Variants in ABCG2 observed in about 807,000 individuals in gnomAD.
The protein encoded by ABCG2 is broad substrate specificity ATP-binding cassette transporter ABCG2.
In ABCG2, 80 loss-of-function variants were observed where a neutral mutation model predicts 73.5. The ratio of observed to expected loss-of-function variants is 1.09; its 90% CI spans 0.91 to 1.31. The LOEUF (loss-of-function observed/expected upper bound fraction) is 1.31, where lower values mean the gene tolerates loss of function less well. Ranked by LOEUF, ABCG2 falls within the 50% of genes most tolerant of loss-of-function variation. ABCG2 has a pLI of 0.00. For missense variants in ABCG2, 796 were observed against 786.2 expected (o/e 1.01, Z -0.15); for synonymous variants, 269 against 282.4 (o/e 0.95, Z 0.48).
At chr4:88,226,021 C>T (rs1458375536) in intron 1 of ABCG2, among the ~76,000 whole-genome samples, 1 of 152,068 alleles carries the variant, frequency 6.6e-6, no homozygotes, top group Non-Finnish European at 1.5e-5. Context: ...CGGGTCCCTC[C>T]CACAACACAT....
chr4:88,221,188 G>A (rs1729999230), intron 1 of ABCG2, among the ~76,000 whole-genome samples: 2 of 152,182 alleles, frequency 1.3e-5, no homozygotes, highest in Admixed American at 6.5e-5. Context: ...AGAATCGCTT[G>A]AACCTGGGAG....
intron 1 of ABCG2, among the ~76,000 whole-genome samples, chr4:88,184,764 C>T (rs1580353): frequency 0.28 from 42,935 of 151,986 alleles, 6,657 homozygotes; most frequent in Middle Eastern, 0.42. Flanking sequence ...ACAAAAAGAA[C>T]AAAACTAGAA....
At chr4:88,215,242 C>A (rs915726473) in intron 1 of ABCG2, among the ~76,000 whole-genome samples, 2 of 152,058 alleles carry the variant, frequency 1.3e-5, no homozygotes, top group African/African-American at 4.8e-5. Flanking sequence ...GTGTACTCCC[C>A]CAGGATTTAG....
At chr4:88,120,506 C>G (rs1723895046) in intron 6 of ABCG2, among the ~76,000 whole-genome samples, 2 of 152,172 alleles carry the variant, frequency 1.3e-5, no homozygotes, top group South Asian at 4.2e-4. Context: ...GCCCTGGGAG[C>G]CCACCTCTTG....
At chr4:88,159,418 G>T, upstream of ABCG2, 1 of 345,576 alleles carries the variant, frequency 2.9e-6, no homozygotes. Context: ...GAAGGAAAGG[G>T]GAGAAACTTA....
At chr4:88,135,045 T>C (rs1391119414) in intron 2 of ABCG2, among the ~76,000 whole-genome samples, 6 of 152,162 alleles carry the variant, frequency 3.9e-5, no homozygotes, top group African/African-American at 1.2e-4. Context: ...GCTGCTTTCA[T>C]GCTACACCAC....
chr4:88,225,172 G>T (rs1161729112), intron 1 of ABCG2, among the ~76,000 whole-genome samples: 1 of 152,010 alleles, frequency 6.6e-6, no homozygotes, highest in Non-Finnish European at 1.5e-5. Flanking sequence ...TTTTGTAAAG[G>T]GCCAGATAGT....
intron 9 of ABCG2, among the ~76,000 whole-genome samples, chr4:88,108,619 C>T (rs1722917161): frequency 6.6e-6 from 1 of 151,994 alleles, no homozygotes; most frequent in Non-Finnish European, 1.5e-5. Flanking sequence ...TTGGAATCTT[C>T]AAAGTTAAAA....
intron 1 of ABCG2, among the ~76,000 whole-genome samples, chr4:88,229,278 C>T (rs973525612): frequency 2.6e-5 from 4 of 152,186 alleles, no homozygotes; most frequent in Non-Finnish European, 5.9e-5. Context: ...GGCCTGCACA[C>T]TCCTCTGACT....
chr4:88,102,801 TTTTAA>T (rs1722519566), intron 10 of ABCG2, among the ~76,000 whole-genome samples: 1 of 151,780 alleles, frequency 6.6e-6, no homozygotes, highest in Non-Finnish European at 1.5e-5. Context: ...CAAGAGAACA[TTTTAA>T]AAAATGCAAA....
At chr4:88,210,292 C>T (rs1220027079) in intron 1 of ABCG2, among the ~76,000 whole-genome samples, 1 of 152,136 alleles carries the variant, frequency 6.6e-6, no homozygotes, top group Non-Finnish European at 1.5e-5. Context: ...TGAGCTCAAG[C>T]AACCTTCCCA....
intron 5 of ABCG2, among the ~76,000 whole-genome samples, chr4:88,127,936 T>A: frequency 6.8e-6 from 1 of 147,278 alleles, no homozygotes. Context: ...CTAAAGAGCT[T>A]CTGCACAGCA....
At chr4:88,199,817 G>A (rs1014541360) in intron 1 of ABCG2, among the ~76,000 whole-genome samples, 10 of 151,904 alleles carry the variant, frequency 6.6e-5, no homozygotes, top group African/African-American at 2.4e-4. Context: ...GGCGAACACA[G>A]TGAAACCCCG....
At chr4:88,156,842 C>T (rs1484341565) in intron 1 of ABCG2, among the ~76,000 whole-genome samples, 7 of 152,104 alleles carry the variant, frequency 4.6e-5, no homozygotes, top group African/African-American at 1.2e-4. Context: ...CAGTGGCTCA[C>T]GCCTGTAATC....
At chr4:88,116,952 T>C (rs1294308604) in intron 7 of ABCG2, among the ~76,000 whole-genome samples, 1 of 152,122 alleles carries the variant, frequency 6.6e-6, no homozygotes, top group African/African-American at 2.4e-5. Flanking sequence ...TTTTGGCCCA[T>C]CTAAGTCAGG....
chr4:88,100,629 G>A (rs1212528087), intron 11 of ABCG2, among the ~76,000 whole-genome samples: 11 of 151,770 alleles, frequency 7.2e-5, no homozygotes, highest in Non-Finnish European at 1.2e-4. Flanking sequence ...CAGCCTGGGC[G>A]ACAAAGCAAG....
At chr4:88,105,072 G>A (rs1722684900) in intron 10 of ABCG2, among the ~76,000 whole-genome samples, 1 of 152,096 alleles carries the variant, frequency 6.6e-6, no homozygotes, top group African/African-American at 2.4e-5. Flanking sequence ...TCAATTACTA[G>A]CAAGTCTGGA....
At chr4:88,125,391 G>A (rs202207466) in intron 5 of ABCG2, among the ~76,000 whole-genome samples, 12 of 151,730 alleles carry the variant, frequency 7.9e-5, no homozygotes, top group Non-Finnish European at 1.5e-5. Context: ...GGCGGATCAT[G>A]AGGTCAGGAG....
At chr4:88,100,262 G>A (rs1024072361) in intron 11 of ABCG2, among the ~76,000 whole-genome samples, 1 of 151,858 alleles carries the variant, frequency 6.6e-6, no homozygotes, top group African/African-American at 2.4e-5. Flanking sequence ...TGCTTTGGGC[G>A]GCCAAAGGGG....
Sources: allele counts gnomAD v4.1 joint callset (sites outside exome capture counted in the v4.1 genomes callset), GRCh38; gene constraint gnomAD v4.1.1; transcripts MANE v1.5; gene names NCBI Gene and HGNC (gene_info 2026-07-23, HGNC 2026-07-21).